MAGI2: variants seen among roughly 807,000 people sequenced by gnomAD.
The protein encoded by MAGI2 is membrane associated guanylate kinase, WW and PDZ domain containing 2.
MAGI2 carries 35 observed loss-of-function variants against 133.3 expected under a neutral mutation model. The observed-to-expected ratio is 0.26, with a 90% CI of 0.20 to 0.35. The LOEUF is 0.35. Ranked by LOEUF, MAGI2 falls within the 10% of genes least tolerant of loss-of-function variation. MAGI2 has a pLI of 1.00. For missense variants in MAGI2, 1,636 were observed against 1,863.4 expected (o/e 0.88, Z 2.25); for synonymous variants, 729 against 710.6 (o/e 1.03, Z -0.41).
chr7:78,822,043 T>A (rs2151427732), intron 2 of MAGI2, among the ~76,000 whole-genome samples: 1 of 152,198 alleles, frequency 6.6e-6, no homozygotes, highest in East Asian at 1.9e-4. Flanking sequence ...ATATGCAACA[T>A]GGGCAGATAT....
chr7:79,059,371 A>G (rs1813498641), intron 1 of MAGI2, among the ~76,000 whole-genome samples: 1 of 152,064 alleles, frequency 6.6e-6, no homozygotes, highest in South Asian at 2.1e-4. Context: ...ATTTTTGCTG[A>G]GGTGAATGGA....
intron 2 of MAGI2, among the ~76,000 whole-genome samples, chr7:78,802,081 C>A (rs532484945): frequency 6.6e-6 from 1 of 152,290 alleles, no homozygotes; most frequent in Non-Finnish European, 1.5e-5. Context: ...GGCTCTTACA[C>A]AAATGCTTCC....
chr7:78,777,246 G>A (rs1163198328), intron 2 of MAGI2, among the ~76,000 whole-genome samples: 1 of 152,148 alleles, frequency 6.6e-6, no homozygotes, highest in Non-Finnish European at 1.5e-5. Context: ...TTTAAGAAAA[G>A]CTTTTAAATA....
intron 20 of MAGI2, among the ~76,000 whole-genome samples, chr7:78,083,005 C>CA (rs3837118): frequency 0.2 from 30,936 of 151,442 alleles, 3,161 homozygotes; most frequent in South Asian, 0.24. Flanking sequence ...ATCGACTTAT[C>CA]GGGGGACAGC....
intron 1 of MAGI2, among the ~76,000 whole-genome samples, chr7:79,349,926 C>T (rs2129108296): frequency 6.6e-6 from 1 of 152,012 alleles, no homozygotes; most frequent in East Asian, 1.9e-4. Flanking sequence ...ACTCGCCACC[C>T]TCACAGTTAA....
At chr7:78,999,699 T>C (rs1366461110) in intron 2 of MAGI2, among the ~76,000 whole-genome samples, 1 of 152,226 alleles carries the variant, frequency 6.6e-6, no homozygotes, top group Non-Finnish European at 1.5e-5. Flanking sequence ...TATATGCTAC[T>C]GTTTAGAAGC....
chr7:78,226,106 ACT>A (rs1789348789), intron 10 of MAGI2, among the ~76,000 whole-genome samples: 1 of 152,022 alleles, frequency 6.6e-6, no homozygotes, highest in African/African-American at 2.4e-5. Flanking sequence ...ATATAAAATT[ACT>A]CATGTCAATT....
At chr7:79,261,792 C>T (rs1219717616) in intron 1 of MAGI2, among the ~76,000 whole-genome samples, 1 of 152,192 alleles carries the variant, frequency 6.6e-6, no homozygotes, top group Non-Finnish European at 1.5e-5. Context: ...CACTTACCAT[C>T]ACTTAAGAAC....
At chr7:78,820,162 A>T (rs565426574) in intron 2 of MAGI2, among the ~76,000 whole-genome samples, 2 of 152,032 alleles carry the variant, frequency 1.3e-5, no homozygotes, top group Admixed American at 6.5e-5. Flanking sequence ...TAGATTTGCT[A>T]TAAAAAAGTC....
At chr7:78,624,145 C>A (rs886252927) in intron 3 of MAGI2, among the ~76,000 whole-genome samples, 1 of 151,880 alleles carries the variant, frequency 6.6e-6, no homozygotes, top group Non-Finnish European at 1.5e-5. Context: ...CTGTTCATGT[C>A]ATTTGCCCAC....
chr7:78,217,456 A>G (rs1301491029), intron 10 of MAGI2, among the ~76,000 whole-genome samples: 1 of 151,988 alleles, frequency 6.6e-6, no homozygotes, highest in Non-Finnish European at 1.5e-5. Flanking sequence ...ACCAATACTC[A>G]ATTTTTATTT....
chr7:79,335,794 A>T lies in MAGI2; in HGVS notation c.301+117226T>A, dbSNP rs1028198844. On this transcript the variant is annotated intron_variant, in intron 1 of 21. Transcript: ENST00000354212. ...TGCATTACTCTCACATATTATTTTA[A>T]ATGTTCAATAGTTTGGAAGTTAATT... is the stretch of plus-strand genomic sequence containing the variant. Among the ~76,000 whole-genome samples, 5 of 152,198 alleles carry T rather than the reference A, an allele frequency of 3.3e-5. No individual in the cohort carries two copies. In the East Asian group the frequency reaches 9.7e-4, roughly 29 times the overall value.
chr7:79,120,628 T>G (rs1032839346), intron 1 of MAGI2, among the ~76,000 whole-genome samples: 1 of 152,064 alleles, frequency 6.6e-6, no homozygotes, highest in South Asian at 2.1e-4. Context: ...GCATGGTGAG[T>G]TTAGCAGATG....
At chr7:78,057,840 A>T (rs976439163) in intron 21 of MAGI2, among the ~76,000 whole-genome samples, 4 of 151,768 alleles carry the variant, frequency 2.6e-5, no homozygotes, top group Admixed American at 2.6e-4. Flanking sequence ...TTACTTTGAA[A>T]ACAAGCTAAA....
At chr7:79,265,785 A>G (rs1470833548) in intron 1 of MAGI2, among the ~76,000 whole-genome samples, 3 of 152,132 alleles carry the variant, frequency 2.0e-5, no homozygotes, top group Non-Finnish European at 4.4e-5. Flanking sequence ...TAAGAAGGAC[A>G]TTATTATATG....
intron 18 of MAGI2, among the ~76,000 whole-genome samples, chr7:78,131,509 G>C (rs1156642819): frequency 6.6e-6 from 1 of 152,168 alleles, no homozygotes; most frequent in Non-Finnish European, 1.5e-5. Flanking sequence ...CATGGGAGGA[G>C]AGGGATGGGA....
intron 21 of MAGI2, among the ~76,000 whole-genome samples, chr7:78,049,119 A>T (rs1811747421): frequency 6.6e-6 from 1 of 152,162 alleles, no homozygotes; most frequent in African/African-American, 2.4e-5. Flanking sequence ...AAAAAAAAAA[A>T]AAAAGACTTC....
In MAGI2 at chr7:78,443,085, C is replaced by T. The variant is rs114864154; in HGVS notation, c.1045+46676G>A. On this transcript the variant is annotated intron_variant, in intron 6 of 21. Coordinates refer to ENST00000354212, the MANE Select transcript of MAGI2 (RefSeq NM_012301.4). ...TGCACAGTAAGCATGTGGCCCTGTG[C>T]GTCCCTTCTTGTTGACAAATACTCT... Among the ~76,000 whole-genome samples the T allele has an allele frequency of 6.2e-3, 766 of 124,024 alleles. 6 individuals carry two copies. The highest frequency in any genetic ancestry group is 0.02 in the African/African-American group (665 of 33,424). 81.4% of individuals were successfully genotyped at this position (124,024 alleles called of 152,430 possible). A position where few individuals can be genotyped will look rare whatever the true frequency, so the allele number is the denominator to read the frequency against.
Position 78,900,707 on chromosome 7 carries a change from A to C in MAGI2, c.418+106383T>G, listed in dbSNP as rs192300532. 3.5e-3 allele frequency among the ~76,000 whole-genome samples: 540 copies of C among 152,254 alleles called. 4 individuals carry two copies. The highest frequency in any genetic ancestry group is 6.3e-3 in the Non-Finnish European group (427 of 68,012). On this transcript the variant is annotated intron_variant, in intron 2 of 21. Transcript: ENST00000354212. ...CTATGTTCCTTTACTGCACTGATTAATCCTATTAATTATACCATATATTTA... is the reference window on the plus strand; with the variant it reads ...CTATGTTCCTTTACTGCACTGATTACTCCTATTAATTATACCATATATTTA...
Sources: allele counts gnomAD v4.1 joint callset (sites outside exome capture counted in the v4.1 genomes callset), GRCh38; gene constraint gnomAD v4.1.1; transcripts MANE v1.5; gene names NCBI Gene and HGNC (gene_info 2026-07-23, HGNC 2026-07-21).